The following EFEMP1 variants were observed in gnomAD, a reference collection of about 807,000 sequenced individuals.
EFEMP1 encodes EGF-like fibulin extracellular matrix protein 1, also known as EGF-containing fibulin-like extracellular matrix protein 1.
EFEMP1 carries 18 observed loss-of-function variants against 65.7 expected under a neutral mutation model. The observed-to-expected ratio is 0.27, with a 90% CI of 0.19 to 0.41. The LOEUF (loss-of-function observed/expected upper bound fraction) is 0.41, where lower values mean the gene tolerates loss of function less well. Ranked by LOEUF, EFEMP1 falls within the 10% of genes least tolerant of loss-of-function variation. The pLI is 1.00. For missense variants in EFEMP1, 469 were observed against 624.8 expected (o/e 0.75, Z 2.66); for synonymous variants, 237 against 219.7 (o/e 1.08, Z -0.70).
intron 5 of EFEMP1, among the ~76,000 whole-genome samples, chr2:55,888,793 T>C (rs1669524865): frequency 6.6e-6 from 1 of 152,134 alleles, no homozygotes; most frequent in African/African-American, 2.4e-5. Flanking sequence ...TAAAGACCCT[T>C]TGTGTGAAGG....
At chr2:55,913,557 C>A (rs747240543) in intron 5 of EFEMP1, among the ~76,000 whole-genome samples, 3 of 151,190 alleles carry the variant, frequency 2.0e-5, no homozygotes, top group Admixed American at 6.6e-5. Context: ...CAAGTTTCTT[C>A]AATTAGGGCA....
intron 5 of EFEMP1, among the ~76,000 whole-genome samples, chr2:55,911,605 C>G (rs1328192835): frequency 3.3e-5 from 5 of 152,048 alleles, no homozygotes; most frequent in Non-Finnish European, 7.4e-5. Flanking sequence ...CCCAGAGTTT[C>G]TGATTCAGTC....
At chr2:55,918,150 C>G (rs1307146604) in intron 4 of EFEMP1, 69 bp downstream of exon 4, 2 of 1,612,300 alleles carry the variant, frequency 1.2e-6, no homozygotes, top group Non-Finnish European at 1.7e-6. Context: ...ACAGACAGGA[C>G]AGGAAGAGTG....
At chr2:55,875,658 C>A (rs1257645424) in intron 8 of EFEMP1, among the ~76,000 whole-genome samples, 1 of 152,084 alleles carries the variant, frequency 6.6e-6, no homozygotes, top group African/African-American at 2.4e-5. Flanking sequence ...TTGGACTCTG[C>A]AGACCCATCC....
At chr2:55,874,713 T>C (rs557484430) in intron 9 of EFEMP1, among the ~76,000 whole-genome samples, 32 of 152,150 alleles carry the variant, frequency 2.1e-4, no homozygotes, top group Non-Finnish European at 4.0e-4. Context: ...ATAGAATACA[T>C]ATCAATATTT....
At chr2:55,904,995 T>C (rs1489981232) in intron 5 of EFEMP1, among the ~76,000 whole-genome samples, 2 of 118,508 alleles carry the variant, frequency 1.7e-5, no homozygotes, top group Admixed American at 9.4e-5. Context: ...CTTTTTTTTT[T>C]TTTTTTGCTG....
At chr2:55,901,182 C>T (rs944975848) in intron 5 of EFEMP1, among the ~76,000 whole-genome samples, 2 of 152,096 alleles carry the variant, frequency 1.3e-5, no homozygotes, top group African/African-American at 4.8e-5. Context: ...ATCCATGATT[C>T]CCTAACAAAC....
At chr2:55,889,411 G>A (rs571453158) in intron 5 of EFEMP1, among the ~76,000 whole-genome samples, 1 of 152,234 alleles carries the variant, frequency 6.6e-6, no homozygotes, top group East Asian at 1.9e-4. Context: ...TTCAGAGAAT[G>A]TTACTTTCTT....
chr2:55,878,030 G>GAGTTAAGA (rs1174036350), intron 6 of EFEMP1, among the ~76,000 whole-genome samples, 165 bp from the exon 7 acceptor site: 1 of 152,130 alleles, frequency 6.6e-6, no homozygotes, highest in Non-Finnish European at 1.5e-5. Flanking sequence ...TTTGTATTCT[G>GAGTTAAGA]AGTTAAGAAG....
chr2:55,866,066 AT>A lies in EFEMP1; in HGVS notation c.*1006del, dbSNP rs1668561954. ...GGAGACGTATAAAATATTCCATAGA[AT>A]TGGGTAGGAGGGTAATTTGCTTAAG... On this transcript the variant is annotated 3_prime_UTR_variant, in exon 12 of 12. Transcript: ENST00000355426. 6.6e-6 allele frequency: 1 copy of A among 152,200 alleles called. No individual in the cohort carries two copies. The highest frequency in any genetic ancestry group is 2.4e-5 in the African/African-American group (1 of 41,470). The allele number at this position is 152,200 out of a possible 1,614,324, so 9.4% of individuals were successfully genotyped here.
intron 8 of EFEMP1, 98 bp downstream of exon 8, chr2:55,876,525 G>C (rs1414606462): frequency 2.0e-6 from 3 of 1,524,726 alleles, no homozygotes; most frequent in Non-Finnish European, 2.7e-6. Context: ...AATTCCCATG[G>C]GTAAGCGTTT....
At chr2:55,895,576 C>T (rs1394303816) in intron 5 of EFEMP1, among the ~76,000 whole-genome samples, 1 of 150,062 alleles carries the variant, frequency 6.7e-6, no homozygotes, top group East Asian at 2.0e-4. Flanking sequence ...CGGAGTCTCG[C>T]TGTCGCCCAG....
intron 5 of EFEMP1, among the ~76,000 whole-genome samples, chr2:55,891,829 G>A (rs963057712): frequency 4.6e-5 from 7 of 152,088 alleles, no homozygotes; most frequent in Admixed American, 1.3e-4. Context: ...TTAAACTTGT[G>A]CCCAAATCCT....
chr2:55,904,904 A>G (rs914833594), intron 5 of EFEMP1, among the ~76,000 whole-genome samples: 3 of 150,756 alleles, frequency 2.0e-5, no homozygotes, highest in Non-Finnish European at 4.4e-5. Context: ...AACCTTGACT[A>G]AATACAGAGG....
chr2:55,893,663 A>G (rs932448710), intron 5 of EFEMP1, among the ~76,000 whole-genome samples: 3 of 152,228 alleles, frequency 2.0e-5, no homozygotes, highest in African/African-American at 7.2e-5. Context: ...TGCTCAATAA[A>G]TTATACTTAA....
At chr2:55,918,317 T>A in intron 3 of EFEMP1, 50 bp from the exon 4 acceptor site, 2 of 1,600,704 alleles carry the variant, frequency 1.2e-6, no homozygotes, top group Non-Finnish European at 1.7e-6. Flanking sequence ...AATTGGTGTG[T>A]CCATTCCCTA....
In EFEMP1 at chr2:55,867,243, A is replaced by T; in HGVS notation, c.1321-9T>A. 6.2e-7 allele frequency: 1 copy of T among 1,613,418 alleles called. No individual in the cohort carries two copies. Among genetic ancestry groups the T allele is most frequent in the Non-Finnish European group, 8.5e-7 (1 of 1,179,678 alleles). On this transcript the variant is annotated splice_polypyrimidine_tract_variant and intron_variant, in intron 11 of 11. Transcript: ENST00000355426. This position sits in a 1 kb window ranked among gnomAD's most constrained non-coding sequence, Gnocchi z 4.3. ...CTTACAGGACTTGTTTGCTAAAATA[A>T]AAGAAAATAGAGAAAGGAAGAGAAT... is the stretch of plus-strand genomic sequence containing the variant.
At chr2:55,894,093 G>A (rs150563390) in intron 5 of EFEMP1, among the ~76,000 whole-genome samples, 1 of 152,294 alleles carries the variant, frequency 6.6e-6, no homozygotes, top group Non-Finnish European at 1.5e-5. Context: ...GGAAAGGACT[G>A]TTGATGGCTA....
At chr2:55,893,724 A>T (rs1669716288) in intron 5 of EFEMP1, among the ~76,000 whole-genome samples, 1 of 152,232 alleles carries the variant, frequency 6.6e-6, no homozygotes, top group Admixed American at 6.5e-5. Context: ...CTTCAGCTAT[A>T]TACAGATGGA....
Sources: gnomAD v4.1 joint callset for allele counts (sites outside exome capture counted in the v4.1 genomes callset) on GRCh38, gnomAD v4.1.1 for gene constraint, Gnocchi (gnomAD v3.1) non-coding constraint, MANE v1.5 for transcripts, NCBI Gene and HGNC (gene_info 2026-07-23, HGNC 2026-07-21) for gene names.